The following ANK2 variants were observed in gnomAD, a reference collection of about 807,000 sequenced individuals.
ANK2 encodes the protein ankyrin 2, also known as ankyrin-2.
In ANK2, 83 loss-of-function variants were observed where a neutral mutation model predicts 360.5. The observed-to-expected ratio is 0.23, with a 90% CI of 0.19 to 0.28. ANK2 has a LOEUF of 0.28. Among genes scored for constraint, ANK2 ranks in the 10% least tolerant of loss-of-function variants. The pLI is 1.00. For missense variants in ANK2, 4,201 were observed against 4,795.7 expected, an observed-to-expected ratio of 0.88 and a Z score of 3.66; for synonymous variants, 1,740 against 1,759.5, an observed-to-expected ratio of 0.99 and a Z score of 0.28.
chr4:112,833,905 C>T (rs1283559480), intron 1 of ANK2, among the ~76,000 whole-genome samples: 1 of 152,208 alleles, frequency 6.6e-6, no homozygotes, highest in Non-Finnish European at 1.5e-5. Flanking sequence ...AGTTCTCCTC[C>T]TCAGAGACAA....
At chr4:113,071,676 C>A (rs576553892) in intron 1 of ANK2, among the ~76,000 whole-genome samples, 1 of 152,278 alleles carries the variant, frequency 6.6e-6, no homozygotes, top group African/African-American at 2.4e-5. Context: ...GTGGTACACC[C>A]TGCTCCTTTC....
chr4:113,295,746 A>C (rs1235822539), intron 22 of ANK2, among the ~76,000 whole-genome samples: 1 of 152,196 alleles, frequency 6.6e-6, no homozygotes, highest in Non-Finnish European at 1.5e-5. Flanking sequence ...TGTCCACATG[A>C]GCTAAACAAG....
chr4:112,765,182 A>G, the ANK2 span, among the ~76,000 whole-genome samples: 3,090 of 152,344 alleles, frequency 0.02, 110 homozygotes, highest in African/African-American at 0.071. Flanking sequence ...ATGTAACTAC[A>G]TCAAAGAAAA....
Position 113,229,532 on chromosome 4 carries a change from A to T in ANK2, c.385-2629A>T, listed in dbSNP as rs186347226. Among the ~76,000 whole-genome samples the T allele has an allele frequency of 5.9e-5, 9 of 152,300 alleles. No individual in the cohort carries two copies. In the East Asian group the frequency reaches 1.7e-3, roughly 29 times the overall value. ...GCATTTACAGGTTCCAGAGATTAGG[A>T]TGTGGACATATGTGGGGGCCATCAT... On this transcript the variant is annotated intron_variant, in intron 4 of 45. Transcript: ENST00000357077.
chr4:113,117,132 T>C (rs745797035), intron 1 of ANK2: 2 of 368,900 alleles, frequency 5.4e-6, no homozygotes, highest in Non-Finnish European at 1.1e-5. Context: ...GATTATGACC[T>C]AGCTCGGGGG....
chr4:113,249,729 T>A (rs2153601083), intron 9 of ANK2, 35 bp from the exon 10 acceptor site: 2 of 1,604,004 alleles, frequency 1.2e-6, no homozygotes, highest in Non-Finnish European at 1.7e-6. Flanking sequence ...TTTTTTGAAG[T>A]GAACTTGGGC....
intron 14 of ANK2, among the ~76,000 whole-genome samples, chr4:113,272,498 C>A (rs2058920930): frequency 1.3e-5 from 2 of 152,148 alleles, no homozygotes; most frequent in Non-Finnish European, 2.9e-5. Context: ...CTCAAAAAGT[C>A]TTATATCCCT....
intron 1 of ANK2, among the ~76,000 whole-genome samples, chr4:113,143,243 T>C (rs2096706241): frequency 2.7e-5 from 1 of 36,480 alleles, no homozygotes; most frequent in Non-Finnish European, 5.6e-5. Flanking sequence ...GGGACTAATA[T>C]CACAGGTGTA....
chr4:113,076,279 C>T (rs2079923881), intron 1 of ANK2, among the ~76,000 whole-genome samples: 1 of 152,222 alleles, frequency 6.6e-6, no homozygotes, highest in Non-Finnish European at 1.5e-5. Flanking sequence ...TCAAATCCAT[C>T]CTTGGCCGCA....
chr4:113,133,092 C>T (rs762248586), intron 1 of ANK2, among the ~76,000 whole-genome samples: 2 of 152,016 alleles, frequency 1.3e-5, no homozygotes, highest in African/African-American at 4.8e-5. Flanking sequence ...TTGAGGGCAA[C>T]GTAATTATTG....
At chr4:112,720,739 T>C in the ANK2 span, among the ~76,000 whole-genome samples, 2 of 152,254 alleles carry the variant, frequency 1.3e-5, no homozygotes, top group Admixed American at 1.3e-4. Flanking sequence ...TTTGGTTTTA[T>C]AATGTGCTTT....
chr4:112,885,219 G>T (rs2150522120), intron 1 of ANK2, among the ~76,000 whole-genome samples: 1 of 152,244 alleles, frequency 6.6e-6, no homozygotes, highest in East Asian at 1.9e-4. Flanking sequence ...AAATAAGCAG[G>T]GCCGGGCGTG....
At chr4:112,885,875 T>C (rs1283907395) in intron 1 of ANK2, among the ~76,000 whole-genome samples, 2 of 151,776 alleles carry the variant, frequency 1.3e-5, no homozygotes, top group African/African-American at 2.4e-5. Flanking sequence ...ATCTATTCCT[T>C]ACCAAGTTTT....
At chr4:113,205,983 G>A (rs996772209) in intron 4 of ANK2, among the ~76,000 whole-genome samples, 2 of 152,094 alleles carry the variant, frequency 1.3e-5, no homozygotes, top group Non-Finnish European at 2.9e-5. Context: ...CACACACAGT[G>A]TATAAAGTGG....
At chr4:112,713,707 G>A in the ANK2 span, among the ~76,000 whole-genome samples, 10 of 151,904 alleles carry the variant, frequency 6.6e-5, no homozygotes, top group South Asian at 2.1e-4. Context: ...CGAGGCGGGC[G>A]GATCACGAGG....
At chr4:112,928,353 T>G (rs1473078367) in intron 2 of ANK2, among the ~76,000 whole-genome samples, 8 of 151,652 alleles carry the variant, frequency 5.3e-5, no homozygotes, top group African/African-American at 1.9e-4. Context: ...TAAAAAATAG[T>G]ATGATACTGT....
At chr4:113,206,478 G>GT (rs970560968) in intron 4 of ANK2, among the ~76,000 whole-genome samples, 11 of 150,844 alleles carry the variant, frequency 7.3e-5, no homozygotes, top group South Asian at 2.1e-4. Flanking sequence ...TAAGGGTCTT[G>GT]TTTTTTTTTC....
intron 1 of ANK2, among the ~76,000 whole-genome samples, chr4:113,144,619 T>C (rs1164486125): frequency 6.6e-6 from 1 of 151,274 alleles, no homozygotes; most frequent in African/African-American, 2.4e-5. Context: ...TAATATAAAA[T>C]CTAAGTCTGG....
At chr4:112,707,934 T>C in the ANK2 span, among the ~76,000 whole-genome samples, 13 of 152,374 alleles carry the variant, frequency 8.5e-5, no homozygotes, top group South Asian at 2.7e-3. Context: ...TGGTGTCCTC[T>C]GTTCAGGCTT....
Sources: allele counts gnomAD v4.1 joint callset (sites outside exome capture counted in the v4.1 genomes callset), GRCh38; gene constraint gnomAD v4.1.1; transcripts MANE v1.5; gene names NCBI Gene and HGNC (gene_info 2026-07-23, HGNC 2026-07-21).